Variants in HERC2 observed in about 807,000 individuals in gnomAD.
HERC2 encodes the protein HECT and RLD domain containing E3 ubiquitin protein ligase 2, also known as E3 ubiquitin-protein ligase HERC2.
Under a neutral mutation model 537.7 loss-of-function variants are expected in HERC2, and 102 were observed. The ratio of observed to expected loss-of-function variants is 0.19; its 90% CI spans 0.16 to 0.22. HERC2 has a LOEUF of 0.22. Among genes scored for constraint, HERC2 ranks in the 10% least tolerant of loss-of-function variants. The probability of loss-of-function intolerance (pLI) is 1.00; values close to 1 mark genes in which losing one functional copy is unlikely to be tolerated. For missense variants in HERC2, 4,236 were observed against 6,198.2 expected, an observed-to-expected ratio of 0.68 and a Z score of 10.63; for synonymous variants, 2,224 against 2,466.2, an observed-to-expected ratio of 0.90 and a Z score of 2.91.
chr15:28,253,294 T>C (rs545462176), intron 20 of HERC2, among the ~76,000 whole-genome samples: 2 of 152,346 alleles, frequency 1.3e-5, no homozygotes, highest in South Asian at 2.1e-4. Flanking sequence ...TTCTTTCACA[T>C]TGACTTTAGT....
rs1226705898 is a variant in HERC2 at position 28,293,011 on chromosome 15, C to T, written c.199G>A (p.Glu67Lys). 3 of 1,609,590 alleles carry T rather than the reference C, an allele frequency of 1.9e-6. No homozygotes were observed. Among genetic ancestry groups the T allele is most frequent in the South Asian group, 2.2e-5 (2 of 90,346 alleles). ...TCTTCTTTCTTTGTTCCACTTGGTT[C>T]GACACTATCATCTGCAGAATTAAAA... ...ELPPRKDDSV[E>K]PSGTKKEDLN... The change falls in exon 4 of 93, where the codon GAA becomes AAA. Residue 67 changes from glutamate (E) to lysine (K), a missense_variant. Coordinates refer to ENST00000261609, the MANE Select transcript of HERC2 (RefSeq NM_004667.6).
chr15:28,194,577 A>T (rs1596187262), intron 52 of HERC2, among the ~76,000 whole-genome samples: 1 of 151,460 alleles, frequency 6.6e-6, no homozygotes, highest in East Asian at 2.0e-4. Flanking sequence ...GTCTCAAAAA[A>T]AACAAAACAA....
Position 28,268,415 on chromosome 15 carries a change from TGGCAACATAAAAGG to T in HERC2, c.1598+36_1598+49del, listed in dbSNP as rs1260119964. ...TCTGCGCTCCATCCTGTTTAGGATA[TGGCAACATAAAAGG>T]AGAGTGTGTCCCCTACAGGAATAAG... On this transcript the variant is annotated intron_variant, in intron 12 of 92. Coordinates refer to ENST00000261609, the MANE Select transcript of HERC2 (RefSeq NM_004667.6). The surrounding 1 kb of genome is among the most constrained non-coding windows in gnomAD (Gnocchi z 4.7). 6.4e-7 allele frequency: 1 copy of T among 1,557,502 alleles called. No individual in the cohort carries two copies. Among genetic ancestry groups the T allele is most frequent in the East Asian group, 2.3e-5 (1 of 44,382 alleles).
intron 78 of HERC2, among the ~76,000 whole-genome samples, chr15:28,139,103 T>C (rs1158580401): frequency 6.6e-6 from 1 of 152,260 alleles, no homozygotes; most frequent in African/African-American, 2.4e-5. Context: ...GAAATTTGTG[T>C]GACATGCTTT....
rs560271694 is a variant in HERC2, at chr15:28,254,753, C to T, written c.2872-235G>A. On this transcript the variant is annotated intron_variant, in intron 19 of 92. Transcript: ENST00000261609. The stretch of plus-strand genomic sequence containing the variant: ...CCAGGCTGCCTCTGCTGATGCTCTC[C>T]AGCATCCTTCTGTGAAGTCCCTAAA... Among the ~76,000 whole-genome samples, 143 of 152,326 alleles carry T rather than the reference C, an allele frequency of 9.4e-4. 1 individual carries two copies. Among genetic ancestry groups the T allele is most frequent in the African/African-American group, 3.3e-3 (138 of 41,572 alleles).
chr15:28,233,443 C>T lies in HERC2; in HGVS notation c.4470G>A (p.Ser1490=), dbSNP rs573056894. ...VCRVVYQAKC[S]LIKTHQEQGR... Reference sequence around the variant, plus strand: ...AATTAAAATCTATCACCTTAATGAGCGAACATTTTGCTTGGTAGACAACTC... The same window carrying T: ...AATTAAAATCTATCACCTTAATGAGTGAACATTTTGCTTGGTAGACAACTC... Residue 1490 remains serine, a synonymous_variant, in exon 29 of 93, where the codon TCG becomes TCA. Transcript: ENST00000261609. 1.5e-5 allele frequency: 21 copies of T among 1,373,360 alleles called. No individual in the cohort carries two copies. The highest frequency in any genetic ancestry group is 1.8e-4 in the Middle Eastern group (1 of 5,530). 85.1% of individuals were successfully genotyped at this position (1,373,360 alleles called of 1,614,324 possible).
Position 28,268,755 on chromosome 15 carries a change from C to A in HERC2, c.1447-139G>T. 1 of 718,052 alleles carries A rather than the reference C, an allele frequency of 1.4e-6. No individual in the cohort carries two copies. Among genetic ancestry groups the A allele is most frequent in the Non-Finnish European group, 2.3e-6 (1 of 434,624 alleles). 44.5% of individuals were successfully genotyped at this position (718,052 alleles called of 1,614,324 possible). A position where few individuals can be genotyped will look rare whatever the true frequency, so the allele number is the denominator to read the frequency against. On this transcript the variant is annotated intron_variant, in intron 11 of 92. Transcript: ENST00000261609. This position sits in a 1 kb window ranked among gnomAD's most constrained non-coding sequence, Gnocchi z 4.7. ...GCATAAGTCTCTGGGAACTACGGGG[C>A]CGGCTCTCCAGCCCTTCCCACCCAG...
At chr15:28,305,354 A>G (rs542679545) in intron 2 of HERC2, among the ~76,000 whole-genome samples, 1 of 152,108 alleles carries the variant, frequency 6.6e-6, no homozygotes, top group African/African-American at 2.4e-5. Context: ...AACAGAACAG[A>G]GCCCTCAGAA....
intron 1 of HERC2, among the ~76,000 whole-genome samples, chr15:28,321,727 G>A (rs1372476636): frequency 1.5e-5 from 2 of 131,360 alleles, no homozygotes; most frequent in Non-Finnish European, 3.0e-5. Flanking sequence ...ACGGTCACAG[G>A]AAGCCAAGTC....
intron 26 of HERC2, among the ~76,000 whole-genome samples, chr15:28,236,333 A>C (rs2881309): frequency 0.026 from 4,006 of 151,876 alleles, 169 homozygotes; most frequent in African/African-American, 0.087. Context: ...TCTTGTCACC[A>C]AGGCTGGAGT....
At chr15:28,118,704 G>A (rs1025687953) in intron 86 of HERC2, among the ~76,000 whole-genome samples, 17 of 152,314 alleles carry the variant, frequency 1.1e-4, no homozygotes, top group African/African-American at 3.1e-4. Flanking sequence ...ATGGGGTGGC[G>A]GGTTGGAGGC....
chr15:28,224,878 A>C (rs1469127665), intron 35 of HERC2, among the ~76,000 whole-genome samples: 2 of 152,270 alleles, frequency 1.3e-5, no homozygotes, highest in Admixed American at 1.3e-4. Flanking sequence ...AAAATTAAAC[A>C]ACACACAGTA....
intron 35 of HERC2, among the ~76,000 whole-genome samples, chr15:28,224,862 T>C (rs1328095484): frequency 6.6e-6 from 1 of 152,056 alleles, no homozygotes; most frequent in Non-Finnish European, 1.5e-5. Flanking sequence ...AATTTACAAG[T>C]ATATGAAAAT....
intron 55 of HERC2, chr15:28,190,676 A>G (rs1161371945): frequency 2.1e-6 from 1 of 472,520 alleles, no homozygotes; most frequent in East Asian, 3.7e-5. Context: ...AGATGCAATC[A>G]GCAACCTAAA....
chr15:28,187,982 A>G (rs112233715), intron 55 of HERC2, among the ~76,000 whole-genome samples: 326 of 152,312 alleles, frequency 2.1e-3, no homozygotes, highest in African/African-American at 7.4e-3. Flanking sequence ...TTTATTGCCT[A>G]AACGACCTGC....
chr15:28,301,921 T>G (rs1193132170), intron 2 of HERC2, among the ~76,000 whole-genome samples: 1 of 150,636 alleles, frequency 6.6e-6, no homozygotes, highest in Non-Finnish European at 1.5e-5. Context: ...TGCCTCAGCC[T>G]CCAGAGTAGC....
At chr15:28,274,636 T>C (rs1476819322) in intron 6 of HERC2, among the ~76,000 whole-genome samples, 189 bp from the exon 7 acceptor site, 5 of 152,240 alleles carry the variant, frequency 3.3e-5, no homozygotes. Context: ...CACTAACTTC[T>C]TGTCCTTCTA....
intron 50 of HERC2, among the ~76,000 whole-genome samples, chr15:28,197,727 G>GGA (rs1897485694): frequency 1.3e-5 from 2 of 152,168 alleles, no homozygotes; most frequent in Non-Finnish European, 2.9e-5. Context: ...CTCCAGCCTG[G>GGA]TCAGGGGAGG....
Position 28,257,316 on chromosome 15 carries a change from C to T in HERC2, c.2317-55G>A, listed in dbSNP as rs113970029. ...ATCTCCAAATGCAGCTGCTGGTCTG[C>T]TCCACAGGAGTCACCAGCGTGTGTG... On this transcript the variant is annotated intron_variant, in intron 16 of 92. Transcript: ENST00000261609. The T allele has an allele frequency of 2.6e-3, 3,870 of 1,491,340 alleles. 70 individuals are homozygous for T. The African/African-American group carries it at 0.039, about 15-fold the overall frequency. The allele number at this position is 1,491,340 out of a possible 1,614,324, so 92.4% of individuals were successfully genotyped here.
Sources: allele counts gnomAD v4.1 joint callset (sites outside exome capture counted in the v4.1 genomes callset), GRCh38; gene constraint gnomAD v4.1.1; non-coding constraint Gnocchi (gnomAD v3.1); transcripts MANE v1.5; gene names NCBI Gene and HGNC (gene_info 2026-07-23, HGNC 2026-07-21).